The following EFCAB5 variants were observed in gnomAD, a reference collection of about 807,000 sequenced individuals.
The protein encoded by EFCAB5 is EF-hand calcium binding domain 5.
EFCAB5 carries 131 observed loss-of-function variants against 167.9 expected under a neutral mutation model. The ratio of observed to expected loss-of-function variants is 0.78; its 90% CI spans 0.68 to 0.90. The LOEUF (loss-of-function observed/expected upper bound fraction) is 0.90. EFCAB5 is among the 40% of genes least tolerant of loss of function. The pLI, the probability that EFCAB5 is intolerant of heterozygous loss-of-function variation, is 0.00. For synonymous variants in EFCAB5, 574 were observed against 602.8 expected, an observed-to-expected ratio of 0.95 and a Z score of 0.70; for missense variants, 1,663 against 1,745.2, an observed-to-expected ratio of 0.95 and a Z score of 0.84.
intron 21 of EFCAB5, among the ~76,000 whole-genome samples, chr17:30,092,491 A>T (rs746041601): frequency 2.0e-4 from 30 of 152,000 alleles, no homozygotes; most frequent in Non-Finnish European, 4.0e-4. Flanking sequence ...GGGTTCAAGC[A>T]ATTCTCCTGC....
At chr17:30,013,788 G>A (rs1049010291) in intron 7 of EFCAB5, among the ~76,000 whole-genome samples, 1 of 152,086 alleles carries the variant, frequency 6.6e-6, no homozygotes, top group Non-Finnish European at 1.5e-5. Flanking sequence ...AAGAGTTTTT[G>A]TGTCTCTAGC....
At chr17:29,995,629 A>T (rs1265535331) in intron 5 of EFCAB5, among the ~76,000 whole-genome samples, 2 of 152,038 alleles carry the variant, frequency 1.3e-5, no homozygotes, top group African/African-American at 4.8e-5. Context: ...TTGACTGGAA[A>T]TTTTTTCAAC....
In EFCAB5 at chr17:29,941,752, A is replaced by G; in HGVS notation, c.-45A>G. On this transcript the variant is annotated 5_prime_UTR_variant, in exon 1 of 23. Transcript: ENST00000394835. Reference sequence around the variant, plus strand: ...TTCTTTTTGTTATTAATACTGGTCTAGTAATATTCTTCTATACCATTTGGT... The same window carrying G: ...TTCTTTTTGTTATTAATACTGGTCTGGTAATATTCTTCTATACCATTTGGT... 2 of 1,502,454 alleles carry G rather than the reference A, an allele frequency of 1.3e-6. No homozygotes were observed. The highest frequency in any genetic ancestry group is 1.8e-6 in the Non-Finnish European group (2 of 1,096,592). The allele number at this position is 1,502,454 out of a possible 1,614,324, so 93.1% of individuals were successfully genotyped here. A position where few individuals can be genotyped will look rare whatever the true frequency, so the allele number is the denominator to read the frequency against.
intron 14 of EFCAB5, among the ~76,000 whole-genome samples, chr17:30,062,598 T>C (rs2070454021): frequency 6.6e-6 from 1 of 152,188 alleles, no homozygotes; most frequent in Admixed American, 6.5e-5. Flanking sequence ...GTGTGGCTAC[T>C]GCACTACACC....
At chr17:30,080,380 T>C in intron 16 of EFCAB5, 139 bp downstream of exon 16, 1 of 851,228 alleles carries the variant, frequency 1.2e-6, no homozygotes, top group Non-Finnish European at 1.7e-6. Context: ...TAGAAGCTGA[T>C]GGCTTCCAGT....
At chr17:30,097,964 C>T (rs1377558313) in intron 22 of EFCAB5, among the ~76,000 whole-genome samples, 1 of 152,010 alleles carries the variant, frequency 6.6e-6, no homozygotes, top group African/African-American at 2.4e-5. Flanking sequence ...AGACAGGGCC[C>T]CCCTCTATCA....
intron 3 of EFCAB5, among the ~76,000 whole-genome samples, chr17:29,951,248 C>T (rs1048601637): frequency 2.0e-5 from 3 of 152,158 alleles, no homozygotes; most frequent in African/African-American, 7.2e-5. Flanking sequence ...TCTTCACAGA[C>T]CAATTTTTCT....
intron 8 of EFCAB5, among the ~76,000 whole-genome samples, chr17:30,042,531 CA>C (rs372060445): frequency 1.9e-3 from 294 of 152,174 alleles, no homozygotes; most frequent in African/African-American, 6.8e-3. Flanking sequence ...AATGAATTTG[CA>C]AATTACATTA....
At chr17:30,028,288 C>T (rs545675616) in intron 7 of EFCAB5, among the ~76,000 whole-genome samples, 4 of 152,314 alleles carry the variant, frequency 2.6e-5, no homozygotes, top group Admixed American at 2.6e-4. Flanking sequence ...TCTGTCTTTC[C>T]TTTAATATAC....
At chr17:29,983,254 G>A (rs1025514391) in intron 4 of EFCAB5, among the ~76,000 whole-genome samples, 2 of 152,244 alleles carry the variant, frequency 1.3e-5, no homozygotes, top group African/African-American at 2.4e-5. Flanking sequence ...CAAAAGCAAT[G>A]GAAGTAACTG....
intron 13 of EFCAB5, chr17:30,058,984 T>A (rs1232696172): frequency 6.9e-6 from 1 of 144,326 alleles, no homozygotes; most frequent in Non-Finnish European, 1.5e-5. Context: ...TAGAATAAAT[T>A]TGAAAAAAAA....
intron 7 of EFCAB5, among the ~76,000 whole-genome samples, chr17:30,018,979 A>T (rs533269042): frequency 4.4e-4 from 67 of 152,064 alleles, no homozygotes; most frequent in Admixed American, 9.8e-4. Flanking sequence ...ATTTATTCTG[A>T]TATGGTATGG....
At chr17:30,028,486 T>C (rs2069391047) in intron 7 of EFCAB5, among the ~76,000 whole-genome samples, 1 of 152,174 alleles carries the variant, frequency 6.6e-6, no homozygotes, top group African/African-American at 2.4e-5. Context: ...TTGAGGCAAG[T>C]ATGTTGTGAA....
At chr17:30,081,372 AC>A (rs1567766074) in intron 17 of EFCAB5, among the ~76,000 whole-genome samples, 1 of 152,218 alleles carries the variant, frequency 6.6e-6, no homozygotes, top group African/African-American at 2.4e-5. Flanking sequence ...TACAAATGGT[AC>A]TAATTCTGAT....
At chr17:30,047,041 G>T (rs75145410) in intron 8 of EFCAB5, among the ~76,000 whole-genome samples, 1 of 152,152 alleles carries the variant, frequency 6.6e-6, no homozygotes, top group Non-Finnish European at 1.5e-5. Flanking sequence ...TATAACTTTG[G>T]ATTGCCTCAA....
intron 14 of EFCAB5, 150 bp downstream of exon 14, chr17:30,059,851 A>G (rs1449557157): frequency 1.8e-6 from 1 of 547,922 alleles, no homozygotes; most frequent in Non-Finnish European, 2.7e-6. Context: ...TATCTTATTT[A>G]TTTTTAATTT....
rs1394278452 is a variant in EFCAB5, at chr17:30,108,399, A to G, written c.*375A>G. On this transcript the variant is annotated 3_prime_UTR_variant, in exon 23 of 23. Coordinates refer to ENST00000394835, the MANE Select transcript of EFCAB5 (RefSeq NM_198529.4). ...ACAAGAATACCAAATAGAATACGAA[A>G]TAATAAAGATAAACCAAAAGAATAC... 1 of 156,868 alleles carries G rather than the reference A, an allele frequency of 6.4e-6. No homozygotes were observed. Among genetic ancestry groups the G allele is most frequent in the Non-Finnish European group, 1.4e-5 (1 of 71,172 alleles). 9.7% of individuals were successfully genotyped at this position (156,868 alleles called of 1,614,324 possible).
chr17:30,016,091 G>T (rs995612662), intron 7 of EFCAB5, among the ~76,000 whole-genome samples: 1 of 151,844 alleles, frequency 6.6e-6, no homozygotes, highest in Non-Finnish European at 1.5e-5. Flanking sequence ...TTTTATTATT[G>T]GATCATAACT....
At chr17:30,063,016 C>T (rs994522391) in intron 14 of EFCAB5, among the ~76,000 whole-genome samples, 1 of 152,188 alleles carries the variant, frequency 6.6e-6, no homozygotes, top group Non-Finnish European at 1.5e-5. Context: ...AACTGAGCTG[C>T]TACACATCCC....
Sources: allele counts gnomAD v4.1 joint callset (sites outside exome capture counted in the v4.1 genomes callset), GRCh38; gene constraint gnomAD v4.1.1; transcripts MANE v1.5; gene names NCBI Gene and HGNC (gene_info 2026-07-23, HGNC 2026-07-21).